The following CDH17 variants were observed in gnomAD, a reference collection of about 807,000 sequenced individuals.
The protein encoded by CDH17 is cadherin-17.
Under a neutral mutation model 86.3 loss-of-function variants are expected in CDH17, and 67 were observed. The observed-to-expected ratio is 0.78, with a 90% CI of 0.64 to 0.95. The LOEUF is 0.95. Ranked by LOEUF, CDH17 falls within the 40% of genes least tolerant of loss-of-function variation. The pLI is 0.00. For missense variants in CDH17, 993 were observed against 1,017.6 expected (o/e 0.98, Z 0.33); for synonymous variants, 367 against 366.4 (o/e 1.00, Z -0.02).
chr8:94,198,855 ATTAT>A (rs1015610243), intron 1 of CDH17, among the ~76,000 whole-genome samples: 1 of 152,018 alleles, frequency 6.6e-6, no homozygotes, highest in African/African-American at 2.4e-5. Flanking sequence ...GTTCAACTTA[ATTAT>A]TTAAATAGCA....
intron 17 of CDH17, among the ~76,000 whole-genome samples, chr8:94,130,183 C>T (rs909120901): frequency 1.3e-5 from 2 of 152,164 alleles, no homozygotes; most frequent in African/African-American, 4.8e-5. Flanking sequence ...CTGCACTACA[C>T]ATTTCAGATA....
chr8:94,182,519 C>A (rs566463354), intron 3 of CDH17, among the ~76,000 whole-genome samples: 30 of 152,172 alleles, frequency 2.0e-4, no homozygotes, highest in Non-Finnish European at 3.8e-4. Context: ...AGGATAAAAA[C>A]CACATATTTC....
intron 3 of CDH17, among the ~76,000 whole-genome samples, chr8:94,185,276 T>TACACACACACACACACAC (rs71277462): frequency 6.6e-5 from 9 of 136,758 alleles, no homozygotes; most frequent in Non-Finnish European, 1.5e-4. Flanking sequence ...CCTACCCCAA[T>TACACACACACACACACAC]ACACACACAC....
chr8:94,162,181 T>C lies in CDH17; in HGVS notation c.1283-19A>G. ...TTGAAATCTGAAAACCAAAGTCATATGTCATAGAAATTTTCACTGAAAACC... is the reference window on the plus strand; with the variant it reads ...TTGAAATCTGAAAACCAAAGTCATACGTCATAGAAATTTTCACTGAAAACC... On this transcript the variant is annotated intron_variant, in intron 10 of 17. Transcript: ENST00000027335. 3 of 1,521,758 alleles carry C rather than the reference T, an allele frequency of 2.0e-6. No homozygotes were observed. Among genetic ancestry groups the C allele is most frequent in the Non-Finnish European group, 2.7e-6 (3 of 1,099,806 alleles). The allele number at this position is 1,521,758 out of a possible 1,614,324, so 94.3% of individuals were successfully genotyped here. A position where few individuals can be genotyped will look rare whatever the true frequency, so the allele number is the denominator to read the frequency against.
chr8:94,212,242 G>A (rs1031531451), upstream of CDH17, among the ~76,000 whole-genome samples: 3 of 152,090 alleles, frequency 2.0e-5, no homozygotes, highest in Admixed American at 6.6e-5. Flanking sequence ...CGCAGCCTTG[G>A]CCCTTCAGGC....
At chr8:94,175,435 A>G (rs192792954) in intron 5 of CDH17, among the ~76,000 whole-genome samples, 286 of 152,308 alleles carry the variant, frequency 1.9e-3, no homozygotes, top group African/African-American at 6.7e-3. Context: ...GCATTGAAGA[A>G]AGAGAAGGAA....
Position 94,159,856 on chromosome 8 carries a change from C to A in CDH17, c.1551+115G>T, listed in dbSNP as rs895284237. 4.3e-5 allele frequency: 30 copies of A among 690,306 alleles called. No homozygotes were observed. In the Admixed American group the frequency reaches 1.1e-3, roughly 24 times the overall value. The allele number at this position is 690,306 out of a possible 1,614,324, so 42.8% of individuals were successfully genotyped here. Reference sequence around the variant, plus strand: ...AATCCAGGAATCCAGGAACCCATCACCATGCCTGAGAGATGGCTGCTAATA... The same window carrying A: ...AATCCAGGAATCCAGGAACCCATCAACATGCCTGAGAGATGGCTGCTAATA... On this transcript the variant is annotated intron_variant, in intron 12 of 17. Transcript: ENST00000027335.
chr8:94,133,672 T>G (rs1812464206), intron 15 of CDH17, among the ~76,000 whole-genome samples: 1 of 152,196 alleles, frequency 6.6e-6, no homozygotes, highest in South Asian at 2.1e-4. Context: ...CTGATTGCCC[T>G]GGCCAGAACT....
rs747725933 is a variant in CDH17, at chr8:94,148,711, C to CTTT, written c.1927+30_1927+32dup. On this transcript the variant is annotated intron_variant, in intron 14 of 17. Transcript: ENST00000027335. The stretch of plus-strand genomic sequence containing the variant: ...ATGTATCTTCTGATAATCTGTGTTC[C>CTTT]TTTTTTTTTGTTTTTTTTTTTTTTT... 253 of 1,346,020 alleles carry CTTT rather than the reference C, an allele frequency of 1.9e-4. 2 individuals are homozygous for CTTT. Among genetic ancestry groups the CTTT allele is most frequent in the African/African-American group, 7.6e-4 (45 of 59,246 alleles). 83.4% of individuals were successfully genotyped at this position (1,346,020 alleles called of 1,614,324 possible). A position where few individuals can be genotyped will look rare whatever the true frequency, so the allele number is the denominator to read the frequency against.
chr8:94,139,326 C>T (rs966012764), intron 15 of CDH17, among the ~76,000 whole-genome samples: 1 of 151,990 alleles, frequency 6.6e-6, no homozygotes, highest in African/African-American at 2.4e-5. Flanking sequence ...AGCTTTGAGA[C>T]AACTTCAAGT....
chr8:94,216,447 G>A (rs1389216471), intron 1 of CDH17, among the ~76,000 whole-genome samples: 5 of 152,164 alleles, frequency 3.3e-5, no homozygotes, highest in Admixed American at 2.6e-4. Context: ...AGGCCTGGGA[G>A]GAGGCCGGCG....
chr8:94,210,562 G>A (rs1814107197), upstream of CDH17, among the ~76,000 whole-genome samples: 1 of 152,176 alleles, frequency 6.6e-6, no homozygotes, highest in Admixed American at 6.5e-5. Flanking sequence ...TGTTAAGAAT[G>A]TGCACGTTTC....
rs780840900 is a variant in CDH17, at chr8:94,173,750, GC to G, written c.783+46del. The stretch of plus-strand genomic sequence containing the variant: ...TGAGGGTGGGTCTCTACAAAGTGAA[GC>G]CATTTATCTAGTTGGCTCTCAGTGT... On this transcript the variant is annotated intron_variant, in intron 7 of 17. Transcript: ENST00000027335. 106 of 1,412,080 alleles carry G rather than the reference GC, an allele frequency of 7.5e-5. No individual in the cohort carries two copies. In the Admixed American group the frequency reaches 1.8e-3, roughly 23 times the overall value. The allele number at this position is 1,412,080 out of a possible 1,614,324, so 87.5% of individuals were successfully genotyped here. A position where few individuals can be genotyped will look rare whatever the true frequency, so the allele number is the denominator to read the frequency against.
At chr8:94,134,525 C>T (rs1054262688) in intron 15 of CDH17, among the ~76,000 whole-genome samples, 3 of 151,822 alleles carry the variant, frequency 2.0e-5, no homozygotes, top group Non-Finnish European at 4.4e-5. Context: ...TTTTTTATTG[C>T]GTCTATTTGA....
chr8:94,176,801 A>G, intron 4 of CDH17, 122 bp from the exon 5 acceptor site: 1 of 1,022,912 alleles, frequency 9.8e-7, no homozygotes, highest in Non-Finnish European at 1.4e-6. Flanking sequence ...GGAGAGAAAG[A>G]ACTCACAAAA....
At chr8:94,215,128 A>T (rs1424166145) in intron 1 of CDH17, among the ~76,000 whole-genome samples, 1 of 152,236 alleles carries the variant, frequency 6.6e-6, no homozygotes, top group Admixed American at 6.5e-5. Context: ...TGACTTAGCA[A>T]TTTCACTCCT....
At chr8:94,202,022 A>G (rs77661112) in intron 1 of CDH17, 10,199 of 210,088 alleles carry the variant, frequency 0.049, 1,120 homozygotes, top group African/African-American at 0.23. Flanking sequence ...TTGCCAGTCC[A>G]TGGTTTTCTG....
chr8:94,206,192 G>A (rs942013530), intron 1 of CDH17, among the ~76,000 whole-genome samples: 8 of 151,188 alleles, frequency 5.3e-5, no homozygotes, highest in Admixed American at 5.3e-4. Context: ...CTTTAGTGTA[G>A]TTAATACCTC....
chr8:94,205,086 A>T (rs989580011), intron 1 of CDH17, among the ~76,000 whole-genome samples: 2 of 152,200 alleles, frequency 1.3e-5, no homozygotes, highest in African/African-American at 4.8e-5. Context: ...GGTTTTAAGC[A>T]GGTAGCCAGG....
Sources: allele counts gnomAD v4.1 joint callset (sites outside exome capture counted in the v4.1 genomes callset), GRCh38; gene constraint gnomAD v4.1.1; transcripts MANE v1.5; gene names NCBI Gene and HGNC (gene_info 2026-07-23, HGNC 2026-07-21).